The following UST variants were observed in gnomAD, a reference collection of about 807,000 sequenced individuals.
UST encodes the protein chondroitin sulfate 2-O-sulfotransferase.
Under a neutral mutation model 45.6 loss-of-function variants are expected in UST, and 21 were observed. The ratio of observed to expected loss-of-function variants is 0.46; its 90% CI spans 0.33 to 0.66. The LOEUF is 0.66. Among genes scored for constraint, UST ranks in the 30% least tolerant of loss-of-function variants. The probability of loss-of-function intolerance (pLI) is 0.02; values close to 1 mark genes in which losing one functional copy is unlikely to be tolerated. For missense variants in UST, 463 were observed against 512.4 expected, an observed-to-expected ratio of 0.90 and a Z score of 0.93; for synonymous variants, 215 against 200.6, an observed-to-expected ratio of 1.07 and a Z score of -0.61.
intron 1 of UST, among the ~76,000 whole-genome samples, chr6:148,778,364 T>A (rs1233418089): frequency 6.6e-6 from 1 of 152,184 alleles, no homozygotes; most frequent in African/African-American, 2.4e-5. Context: ...GATTTTTTTC[T>A]TGGTCTTATT....
intron 2 of UST, among the ~76,000 whole-genome samples, chr6:148,929,643 G>A (rs1004617306): frequency 1.4e-4 from 21 of 152,292 alleles, no homozygotes; most frequent in South Asian, 2.1e-4. Context: ...ATTTATTTAC[G>A]AGAGAATGTA....
chr6:148,838,039 T>C (rs1346967725), intron 1 of UST, among the ~76,000 whole-genome samples: 2 of 152,182 alleles, frequency 1.3e-5, no homozygotes, highest in African/African-American at 4.8e-5. Flanking sequence ...TAAGTAAACA[T>C]ATGAATAAGA....
chr6:148,960,004 C>T (rs1026429138), intron 4 of UST, among the ~76,000 whole-genome samples: 1 of 152,020 alleles, frequency 6.6e-6, no homozygotes, highest in Admixed American at 6.6e-5. Flanking sequence ...TAACAGCCAG[C>T]TTGGCTGGGC....
chr6:148,839,295 CCCCTCTCCT>C (rs1408868649), intron 1 of UST, among the ~76,000 whole-genome samples: 3 of 152,128 alleles, frequency 2.0e-5, no homozygotes, highest in Non-Finnish European at 4.4e-5. Context: ...ATCAGGAAGG[CCCCTCTCCT>C]TTAACCCTCT....
chr6:149,043,673 C>G (rs963565054), intron 7 of UST, among the ~76,000 whole-genome samples: 6 of 152,278 alleles, frequency 3.9e-5, no homozygotes, highest in African/African-American at 9.6e-5. Context: ...GTCGGGAGAA[C>G]TGGCCCGAGG....
chr6:148,782,913 G>T (rs2114691454), intron 1 of UST, among the ~76,000 whole-genome samples: 1 of 152,360 alleles, frequency 6.6e-6, no homozygotes, highest in South Asian at 2.1e-4. Flanking sequence ...ATTGGCTCTA[G>T]TTTTGAAAGA....
At position 148,790,020 on chromosome 6, in the gene UST, T is replaced by G. The variant is rs1430645943; in HGVS notation, c.247+42343T>G. 2.7e-5 allele frequency among the ~76,000 whole-genome samples: 4 copies of G among 147,106 alleles called. No individual in the cohort carries two copies. Among genetic ancestry groups the G allele is most frequent in the Admixed American group, 1.4e-4 (2 of 14,542 alleles). On this transcript the variant is annotated intron_variant, in intron 1 of 7. Transcript: ENST00000367463. The surrounding 1 kb of genome is among the most constrained non-coding windows in gnomAD (Gnocchi z 4.2). ...TTTTTTTTTTTTTTCCAGCTTTAAGTGCCTATCCTTTTTGTCTGGGAAGGC... is the reference window on the plus strand; with the variant it reads ...TTTTTTTTTTTTTTCCAGCTTTAAGGGCCTATCCTTTTTGTCTGGGAAGGC...
At chr6:149,013,192 G>A (rs967919749) in intron 5 of UST, among the ~76,000 whole-genome samples, 2 of 152,156 alleles carry the variant, frequency 1.3e-5, no homozygotes, top group African/African-American at 4.8e-5. Context: ...GTATTAACTC[G>A]TAAGTTTTGG....
intron 2 of UST, among the ~76,000 whole-genome samples, chr6:148,919,206 C>T (rs760839444): frequency 6.6e-6 from 1 of 152,192 alleles, no homozygotes; most frequent in Admixed American, 6.5e-5. Flanking sequence ...CCTCCACCTC[C>T]TCTCCAACAA....
intron 1 of UST, among the ~76,000 whole-genome samples, chr6:148,815,732 G>A (rs1223806647): frequency 2.0e-5 from 3 of 152,054 alleles, no homozygotes; most frequent in Admixed American, 6.6e-5. Context: ...AAATGAGTTC[G>A]GGTTTGGATA....
intron 7 of UST, among the ~76,000 whole-genome samples, chr6:149,044,640 A>G (rs920636448): frequency 6.6e-5 from 10 of 152,162 alleles, no homozygotes; most frequent in Non-Finnish European, 1.2e-4. Context: ...TCATTCGGCC[A>G]TGGGGTTTAT....
chr6:148,961,984 G>A (rs1004849427), intron 4 of UST, among the ~76,000 whole-genome samples: 3 of 152,196 alleles, frequency 2.0e-5, no homozygotes, highest in Admixed American at 6.5e-5. Flanking sequence ...TCTGTATAAC[G>A]GACGTGTCAC....
chr6:149,001,960 A>G (rs1781557477), intron 5 of UST, among the ~76,000 whole-genome samples: 1 of 152,190 alleles, frequency 6.6e-6, no homozygotes, highest in Non-Finnish European at 1.5e-5. Context: ...AAATTTAATC[A>G]AGTTTGAATG....
intron 5 of UST, among the ~76,000 whole-genome samples, chr6:149,008,356 T>C (rs1020952129): frequency 3.9e-5 from 6 of 152,200 alleles, no homozygotes; most frequent in Non-Finnish European, 5.9e-5. Flanking sequence ...TTATTTCCGT[T>C]TCTCCATCTG....
chr6:148,767,316 C>T (rs1029714219), intron 1 of UST, among the ~76,000 whole-genome samples: 2 of 152,196 alleles, frequency 1.3e-5, no homozygotes, highest in African/African-American at 4.8e-5. Context: ...GTGAGAATCA[C>T]ACCCTTGTAT....
intron 1 of UST, among the ~76,000 whole-genome samples, chr6:148,757,889 C>G (rs971341262): frequency 6.6e-6 from 1 of 152,256 alleles, no homozygotes; most frequent in Non-Finnish European, 1.5e-5. Flanking sequence ...GTGTGAAGCA[C>G]TGTGTTACCA....
At chr6:149,023,743 T>G (rs1776012887) in intron 7 of UST, among the ~76,000 whole-genome samples, 2 of 152,142 alleles carry the variant, frequency 1.3e-5, no homozygotes, top group African/African-American at 4.8e-5. Context: ...TTTATCTTCA[T>G]GCTTTTGAAT....
At chr6:148,995,704 G>T (rs1781441256) in intron 5 of UST, among the ~76,000 whole-genome samples, 1 of 152,160 alleles carries the variant, frequency 6.6e-6, no homozygotes, top group African/African-American at 2.4e-5. Context: ...AGAATTGAGA[G>T]ATCTCACACA....
chr6:148,772,220 T>C (rs1328290525), intron 1 of UST, among the ~76,000 whole-genome samples: 1 of 152,198 alleles, frequency 6.6e-6, no homozygotes, highest in East Asian at 1.9e-4. Context: ...CTTTATCGGT[T>C]TCTGCAGCCT....
Sources: gnomAD v4.1 joint callset for allele counts (sites outside exome capture counted in the v4.1 genomes callset) on GRCh38, gnomAD v4.1.1 for gene constraint, Gnocchi (gnomAD v3.1) non-coding constraint, MANE v1.5 for transcripts, NCBI Gene and HGNC (gene_info 2026-07-23, HGNC 2026-07-21) for gene names.